Variants in DUOX2 observed in about 807,000 individuals in gnomAD.
DUOX2 encodes dual oxidase 2.
Under a neutral mutation model 183.3 loss-of-function variants are expected in DUOX2, and 185 were observed. That is an observed-to-expected ratio of 1.01 (90% confidence interval 0.90 to 1.14). The LOEUF (loss-of-function observed/expected upper bound fraction) is 1.14. DUOX2 is among the 50% of genes most tolerant of loss of function. DUOX2 has a pLI of 0.00. For synonymous variants in DUOX2, 788 were observed against 812.4 expected, an observed-to-expected ratio of 0.97 and a Z score of 0.51; for missense variants, 1,999 against 2,022.9, an observed-to-expected ratio of 0.99 and a Z score of 0.23.
chr15:45,102,020 T>A (rs763372263), intron 20 of DUOX2, 31 bp from the exon 21 acceptor site: 1 of 1,612,648 alleles, frequency 6.2e-7, no homozygotes, highest in Non-Finnish European at 8.5e-7. Flanking sequence ...CAGCAGCCTG[T>A]CACCCAGCAA....
intron 27 of DUOX2, 124 bp downstream of exon 27, chr15:45,097,885 C>A: frequency 6.5e-7 from 1 of 1,547,510 alleles, no homozygotes; most frequent in Non-Finnish European, 8.9e-7. Flanking sequence ...GGGATTTGAG[C>A]TGGGGCTTGT....
rs2141153764 is a variant in DUOX2 at position 45,108,163 on chromosome 15, A to C, written c.1458T>G (p.Leu486=). Residue 486 remains leucine (L), a synonymous_variant, in exon 13 of 34, where the codon CTT becomes CTG. Coordinates refer to ENST00000389039, the MANE Select transcript of DUOX2 (RefSeq NM_001363711.2). The part of the protein sequence containing the change: ...NQDLSQLELL[L]GGLLESHGDP... ...CCCCATGGCTCTCCAGGAGCCCCCCAAGGAGCAGCTCTAGCTGGGATAGGT... is the reference window on the plus strand; with the variant it reads ...CCCCATGGCTCTCCAGGAGCCCCCCCAGGAGCAGCTCTAGCTGGGATAGGT... 1 of 1,614,150 alleles carries C rather than the reference A, an allele frequency of 6.2e-7. No individual in the cohort carries two copies. The highest frequency in any genetic ancestry group is 8.5e-7 in the Non-Finnish European group (1 of 1,180,000).
Position 45,094,143 on chromosome 15 carries a change from G to A in DUOX2, c.*7C>T, listed in dbSNP as rs759345878. The A allele has an allele frequency of 2.5e-6, 4 of 1,614,172 alleles. No homozygotes were observed. The highest frequency in any genetic ancestry group is 3.3e-5 in the Admixed American group (2 of 60,032). ...GATACTGGAAGCAGCAGCCAGGGAG[G>A]ACAGGCTCAGAAGTTCTCATAGTGG... On this transcript the variant is annotated 3_prime_UTR_variant, in exon 34 of 34. Coordinates refer to ENST00000389039, the MANE Select transcript of DUOX2 (RefSeq NM_001363711.2).
chr15:45,112,900 T>C, intron 3 of DUOX2, 87 bp downstream of exon 3: 1 of 1,558,158 alleles, frequency 6.4e-7, no homozygotes, highest in Non-Finnish European at 8.8e-7. Context: ...TGGGCGCGTG[T>C]TCCCCGCAGA....
At chr15:45,100,977 C>G in intron 22 of DUOX2, 139 bp from the exon 23 acceptor site, 1 of 693,118 alleles carries the variant, frequency 1.4e-6, no homozygotes, top group Non-Finnish European at 2.6e-6. Context: ...TTAATAGGAT[C>G]TCATGATTTG....
rs757765437 is a variant in DUOX2, at chr15:45,110,639, C to G, written c.943+11G>C. 2.5e-6 allele frequency: 4 copies of G among 1,613,290 alleles called. No individual in the cohort carries two copies. Among genetic ancestry groups the G allele is most frequent in the East Asian group, 4.5e-5 (2 of 44,864 alleles). ...TCTCCGCACAGGTGTCCTCCTTCCC[C>G]GCTCCCTCACCTGTATACTCCGGGA... On this transcript the variant is annotated intron_variant, in intron 8 of 33. Transcript: ENST00000389039.
Position 45,109,617 on chromosome 15 carries a change from G to C in DUOX2, c.1141C>G (p.Leu381Val), listed in dbSNP as rs764322804. 1 of 1,614,146 alleles carries C rather than the reference G, an allele frequency of 6.2e-7. No homozygotes were observed. Among genetic ancestry groups the C allele is most frequent in the African/African-American group, 1.3e-5 (1 of 75,030 alleles). Residue 381 changes from leucine (L) to valine (V), a missense_variant, in exon 11 of 34, where the codon CTG becomes GTG. Leu to Val is a conservative substitution (Grantham distance 32, BLOSUM62 1). Around this residue, in one of 3 missense-constraint regions of DUOX2, gnomAD observed 1,628 missense variants for 1,608.6 expected, o/e 1.01. Coordinates refer to ENST00000389039, the MANE Select transcript of DUOX2 (RefSeq NM_001363711.2). ...TCATTCACCTCCTGGGTACTGTTCA[G>C]ATTGGGGTTCTGGAAGTAAACAATG... ...NNYWIRENPN[L>V]NSTQEVNELL...
chr15:45,106,483 C>T, intron 16 of DUOX2, 45 bp downstream of exon 16: 2 of 1,605,558 alleles, frequency 1.2e-6, no homozygotes, highest in South Asian at 1.1e-5. Context: ...TCCTGTCTCT[C>T]CCCTCCTCCG....
chr15:45,111,171 T>C lies in DUOX2; in HGVS notation c.822A>G (p.Pro274=), dbSNP rs1408827586. The change falls in exon 7 of 34, where the codon CCA becomes CCG. Residue 274 remains proline (P), a synonymous_variant. Transcript: ENST00000389039. ...GGAACAGCTCCTCGTCCTCCCAGTC[T>C]GGGTGCTGGCGGGCCAGCCTCTGCG... is the stretch of plus-strand genomic sequence containing the variant. ...LWAQRLARQH[P]DWEDEELFQH... The C allele has an allele frequency of 3.9e-6, 5 of 1,281,522 alleles. No homozygotes were observed. The East Asian group carries it at 1.3e-4, about 32-fold the overall frequency. 79.4% of individuals were successfully genotyped at this position (1,281,522 alleles called of 1,614,324 possible). A position where few individuals can be genotyped will look rare whatever the true frequency, so the allele number is the denominator to read the frequency against.
chr15:45,107,586 G>A (rs1214631884), intron 13 of DUOX2, 123 bp from the exon 14 acceptor site: 2 of 1,047,228 alleles, frequency 1.9e-6, no homozygotes, highest in African/African-American at 3.1e-5. Flanking sequence ...GCTCATGCCT[G>A]TAATCCCAAC....
chr15:45,100,964 G>T, intron 22 of DUOX2, 126 bp from the exon 23 acceptor site: 1 of 702,170 alleles, frequency 1.4e-6, no homozygotes, highest in Non-Finnish European at 2.5e-6. Context: ...GGCACAAAAT[G>T]AATTAATAGG....
chr15:45,106,470 G>T, intron 16 of DUOX2, 58 bp downstream of exon 16: 15 of 1,599,036 alleles, frequency 9.4e-6, no homozygotes, highest in Non-Finnish European at 1.3e-5. Flanking sequence ...CTTTCTCCCA[G>T]ACTCCTGTCT....
At chr15:45,095,294 T>C in intron 31 of DUOX2, 143 bp downstream of exon 31, 1 of 1,440,518 alleles carries the variant, frequency 6.9e-7, no homozygotes, top group Non-Finnish European at 9.7e-7. Context: ...CCCTCCAAGT[T>C]TGGCATCTCA....
intron 24 of DUOX2, 76 bp downstream of exon 24, chr15:45,099,974 G>A: frequency 6.2e-7 from 1 of 1,610,898 alleles, no homozygotes; most frequent in Non-Finnish European, 8.5e-7. Context: ...AGACTCTTAG[G>A]ATCAGAGGGC....
At chr15:45,098,725 C>T (rs1468736227) in intron 26 of DUOX2, among the ~76,000 whole-genome samples, 1 of 150,084 alleles carries the variant, frequency 6.7e-6, no homozygotes, top group East Asian at 1.9e-4. Context: ...TTTTTCAAGA[C>T]AGAGTCTTGC....
At position 45,113,095 on chromosome 15, in the gene DUOX2, G is replaced by GC; in HGVS notation, c.71-20dup. On this transcript the variant is annotated intron_variant, in intron 2 of 33. Transcript: ENST00000389039. ...TGACTGCCTGTGGGCACAGAGAAGG[G>GC]CCTCCTCAGCACTACGCTCCCAGCT... is the stretch of plus-strand genomic sequence containing the variant. 6.2e-7 allele frequency: 1 copy of GC among 1,610,314 alleles called. No homozygotes were observed.
At chr15:45,110,192 C>T (rs2141155910) in intron 9 of DUOX2, among the ~76,000 whole-genome samples, 1 of 152,224 alleles carries the variant, frequency 6.6e-6, no homozygotes, top group Admixed American at 6.5e-5. Flanking sequence ...AAGGGAATGA[C>T]CCAGCTGCTA....
Position 45,109,890 on chromosome 15 carries a change from C to T in DUOX2, c.1131G>A (p.Glu377=), listed in dbSNP as rs573570911. ...CCCCTGACCCTGACCCCAGTCTGACCTCCCGAATCCAGTAGTTGTTGCAGA... is the reference window on the plus strand; with the variant it reads ...CCCCTGACCCTGACCCCAGTCTGACTTCCCGAATCCAGTAGTTGTTGCAGA... ...LRVCNNYWIR[E]NPNLNSTQEV... is the part of the protein sequence containing the mutation. The change falls in exon 10 of 34, where the codon GAG becomes GAA. Residue 377 remains glutamate, a splice_region_variant and synonymous_variant. Coordinates refer to ENST00000389039, the MANE Select transcript of DUOX2 (RefSeq NM_001363711.2). 3.2e-5 allele frequency: 52 copies of T among 1,614,154 alleles called. No homozygotes were observed. The South Asian group carries it at 5.2e-4, about 16-fold the overall frequency.
Position 45,097,335 on chromosome 15 carries a change from G to A in DUOX2, c.3750C>T (p.Phe1250=). 1 of 1,614,260 alleles carries A rather than the reference G, an allele frequency of 6.2e-7. No individual in the cohort carries two copies. Among genetic ancestry groups the A allele is most frequent in the Non-Finnish European group, 8.5e-7 (1 of 1,180,058 alleles). ...CTCCATAGATGATTGCCGGGACCAGGAAGTAGATGTGGAAAGTGGGCAGCT... is the reference window on the plus strand; with the variant it reads ...CTCCATAGATGATTGCCGGGACCAGAAAGTAGATGTGGAAAGTGGGCAGCT... ...LIQLPTFHIY[F]LVPAIIYGGD... Residue 1250 remains phenylalanine (F), a synonymous_variant, in exon 29 of 34, where the codon TTC becomes TTT. Transcript: ENST00000389039.
Sources: allele counts gnomAD v4.1 joint callset (sites outside exome capture counted in the v4.1 genomes callset), GRCh38; gene constraint gnomAD v4.1.1; regional missense constraint gnomAD v4.1.1; transcripts MANE v1.5; gene names NCBI Gene and HGNC (gene_info 2026-07-23, HGNC 2026-07-21).